The following OLFM3 variants were observed in gnomAD, a reference collection of about 807,000 sequenced individuals.
OLFM3 encodes the protein olfactomedin 3.
A neutral mutation model predicts 48.6 loss-of-function variants in OLFM3; 20 were observed. The observed-to-expected ratio is 0.41, with a 90% CI of 0.29 to 0.60. The LOEUF (loss-of-function observed/expected upper bound fraction) is 0.60, where lower values mean the gene tolerates loss of function less well. Among genes scored for constraint, OLFM3 ranks in the 20% least tolerant of loss-of-function variants. The probability of loss-of-function intolerance (pLI) is 0.28; values close to 1 mark genes in which losing one functional copy is unlikely to be tolerated. For synonymous variants in OLFM3, 222 were observed against 198.1 expected (o/e 1.12, Z -1.01); for missense variants, 437 against 544.3 (o/e 0.80, Z 1.96).
At chr1:101,910,836 C>T (rs949523656) in intron 1 of OLFM3, among the ~76,000 whole-genome samples, 3 of 152,184 alleles carry the variant, frequency 2.0e-5, no homozygotes, top group Non-Finnish European at 4.4e-5. Context: ...ATAGAAATCA[C>T]TACTATTTCC....
intron 4 of OLFM3, among the ~76,000 whole-genome samples, chr1:101,816,511 C>T (rs139552368): frequency 2.1e-3 from 327 of 152,160 alleles, no homozygotes; most frequent in Non-Finnish European, 4.1e-3. Context: ...TTTTTACTCC[C>T]ATCAATTTCA....
At chr1:101,833,730 G>A (rs1202900166) in intron 2 of OLFM3, among the ~76,000 whole-genome samples, 1 of 151,822 alleles carries the variant, frequency 6.6e-6, no homozygotes, top group East Asian at 1.9e-4. Flanking sequence ...AATTAGTGAG[G>A]TGGTCACTTG....
rs187560138 is a variant in OLFM3, at chr1:101,810,891, G to C, written c.593-4709C>G. On this transcript the variant is annotated intron_variant, in intron 4 of 5. Transcript: ENST00000370103. ...TTTACAGTGGTTAGTAAATGTGCAG[G>C]AGCTGTAATAAAAGATACTGTACAT... 2.2e-4 allele frequency among the ~76,000 whole-genome samples: 34 copies of C among 151,600 alleles called. No homozygotes were observed. The East Asian group carries it at 3.9e-3, about 17-fold the overall frequency.
At chr1:101,886,534 A>T (rs921364008) in intron 1 of OLFM3, among the ~76,000 whole-genome samples, 1 of 152,096 alleles carries the variant, frequency 6.6e-6, no homozygotes, top group African/African-American at 2.4e-5. Context: ...AAGAATCAGG[A>T]TCCAAGGCAT....
chr1:101,843,424 CG>C (rs1482896473), intron 1 of OLFM3, among the ~76,000 whole-genome samples: 1 of 152,160 alleles, frequency 6.6e-6, no homozygotes, highest in African/African-American at 2.4e-5. Context: ...ATTCAAGAGA[CG>C]CGCCAGAGGG....
intron 1 of OLFM3, among the ~76,000 whole-genome samples, chr1:101,907,865 T>TA (rs1276389250): frequency 2.7e-5 from 4 of 149,456 alleles, no homozygotes; most frequent in Non-Finnish European, 5.9e-5. Flanking sequence ...GAAGTAATAG[T>TA]AAAAAACGTA....
At chr1:101,840,949 A>C (rs2100931676) in intron 1 of OLFM3, among the ~76,000 whole-genome samples, 1 of 152,364 alleles carries the variant, frequency 6.6e-6, no homozygotes, top group East Asian at 1.9e-4. Flanking sequence ...TGGAAGAACT[A>C]AATGAAGTAT....
At chr1:101,874,641 A>G (rs943870877) in intron 1 of OLFM3, among the ~76,000 whole-genome samples, 3 of 151,964 alleles carry the variant, frequency 2.0e-5, no homozygotes, top group African/African-American at 7.2e-5. Flanking sequence ...CACATTCAGT[A>G]TTTTTAAGTA....
intron 1 of OLFM3, among the ~76,000 whole-genome samples, chr1:101,944,599 G>A (rs539028454): frequency 2.0e-5 from 3 of 152,230 alleles, no homozygotes; most frequent in Admixed American, 1.3e-4. Context: ...GTACCTGGAC[G>A]CCAGGTGCAG....
chr1:101,848,191 T>C (rs1007922671), intron 1 of OLFM3, among the ~76,000 whole-genome samples: 1 of 151,966 alleles, frequency 6.6e-6, no homozygotes, highest in African/African-American at 2.4e-5. Flanking sequence ...AAAGTAAAAA[T>C]ATAAAGAGAA....
At chr1:101,878,095 C>T (rs763692914) in intron 1 of OLFM3, among the ~76,000 whole-genome samples, 7 of 151,928 alleles carry the variant, frequency 4.6e-5, no homozygotes, top group Middle Eastern at 3.4e-3. Flanking sequence ...GGCACTAAGA[C>T]TTTCATTTTA....
intron 4 of OLFM3, among the ~76,000 whole-genome samples, chr1:101,810,354 TATAA>T: frequency 6.6e-6 from 1 of 152,112 alleles, no homozygotes; most frequent in East Asian, 1.9e-4. Context: ...AGCATGTTAA[TATAA>T]ATATAGACAT....
chr1:101,939,096 A>G (rs1659709982), intron 1 of OLFM3, among the ~76,000 whole-genome samples: 1 of 152,208 alleles, frequency 6.6e-6, no homozygotes. Context: ...CATAAAAAAC[A>G]TTCATTAGAA....
At chr1:101,909,833 T>C (rs1050643969) in intron 1 of OLFM3, among the ~76,000 whole-genome samples, 3 of 152,144 alleles carry the variant, frequency 2.0e-5, no homozygotes, top group Non-Finnish European at 4.4e-5. Context: ...TTTGGGGACA[T>C]TAAAAATGTT....
At chr1:101,962,423 T>C (rs12758845) in intron 1 of OLFM3, among the ~76,000 whole-genome samples, 69,981 of 152,028 alleles carry the variant, frequency 0.46, 16,508 homozygotes, top group Non-Finnish European at 0.5. Flanking sequence ...AAATCACCTA[T>C]GATATTTTTT....
intron 1 of OLFM3, among the ~76,000 whole-genome samples, chr1:101,884,225 G>T (rs941004459): frequency 1.3e-5 from 2 of 151,864 alleles, no homozygotes; most frequent in African/African-American, 4.8e-5. Flanking sequence ...TTATAAAAAA[G>T]AAAAGTCATT....
intron 1 of OLFM3, among the ~76,000 whole-genome samples, chr1:101,982,984 G>T (rs1236355272): frequency 2.0e-5 from 3 of 152,094 alleles, no homozygotes; most frequent in Non-Finnish European, 1.5e-5. Flanking sequence ...CAACTAAATT[G>T]TATGTTTTTT....
intron 1 of OLFM3, among the ~76,000 whole-genome samples, chr1:101,929,331 C>G (rs1333441295): frequency 2.0e-5 from 3 of 152,044 alleles, no homozygotes; most frequent in Non-Finnish European, 4.4e-5. Flanking sequence ...TTTGGGAAAC[C>G]CACTTCTTGT....
intron 1 of OLFM3, among the ~76,000 whole-genome samples, chr1:101,956,086 G>GTTGGTTTTTT (rs1553183027): frequency 3.8e-5 from 4 of 105,054 alleles, no homozygotes; most frequent in East Asian, 2.4e-4. Flanking sequence ...ACAATAACAG[G>GTTGGTTTTTT]TTTTTTTTTT....
Sources: gnomAD v4.1 joint callset for allele counts (sites outside exome capture counted in the v4.1 genomes callset) on GRCh38, gnomAD v4.1.1 for gene constraint, MANE v1.5 for transcripts, NCBI Gene and HGNC (gene_info 2026-07-23, HGNC 2026-07-21) for gene names.